The following S100A8 variants were observed in gnomAD, a reference collection of about 807,000 sequenced individuals.
The protein encoded by S100A8 is S100 calcium binding protein A8.
In S100A8, 1 loss-of-function variant was observed where a neutral mutation model predicts 4.2. The observed-to-expected ratio is 0.24, with a 90% CI of 0.08 to 1.12. The LOEUF (loss-of-function observed/expected upper bound fraction) is 1.12. Among genes scored for constraint, S100A8 ranks in the 50% most tolerant of loss-of-function variants. The pLI is 0.53. For missense variants in S100A8, 96 were observed against 111.8 expected, an observed-to-expected ratio of 0.86 and a Z score of 0.64; for synonymous variants, 41 against 44.7, an observed-to-expected ratio of 0.92 and a Z score of 0.33.
intron 2 of S100A8, 50 bp downstream of exon 2, chr1:153,390,345 C>T: frequency 6.2e-7 from 1 of 1,605,580 alleles, no homozygotes. Flanking sequence ...TGGCCCAGGG[C>T]AGCCCCAGGA....
chr1:153,411,235 C>T, the S100A8 span, among the ~76,000 whole-genome samples: 6 of 152,160 alleles, frequency 3.9e-5, no homozygotes, highest in African/African-American at 1.4e-4. Flanking sequence ...AAAATCCCAT[C>T]GCCTCAGCCC....
the S100A8 span, among the ~76,000 whole-genome samples, chr1:153,409,917 C>T: frequency 6.6e-6 from 1 of 152,144 alleles, no homozygotes; most frequent in African/African-American, 2.4e-5. Flanking sequence ...AATAAAGATG[C>T]TCTTTGAAAC....
the S100A8 span, among the ~76,000 whole-genome samples, chr1:153,402,955 A>C: frequency 1.3e-5 from 2 of 151,330 alleles, no homozygotes; most frequent in East Asian, 3.9e-4. Flanking sequence ...TCTGAGAAAA[A>C]GACACACACG....
At chr1:153,408,866 C>A in the S100A8 span, among the ~76,000 whole-genome samples, 12 of 152,156 alleles carry the variant, frequency 7.9e-5, no homozygotes, top group Admixed American at 5.9e-4. Flanking sequence ...AATTTCATAT[C>A]CAGCCAAATT....
At chr1:153,406,966 T>A in the S100A8 span, among the ~76,000 whole-genome samples, 31 of 152,372 alleles carry the variant, frequency 2.0e-4, no homozygotes, top group African/African-American at 7.0e-4. Flanking sequence ...GTTTTTTGGA[T>A]GTCTCAAATA....
At chr1:153,419,266 AG>A in the S100A8 span, 1 of 1,614,198 alleles carries the variant, frequency 6.2e-7, no homozygotes, top group Non-Finnish European at 8.5e-7. Context: ...GACTACCACA[AG>A]CAGAGCCATG....
At chr1:153,397,626 G>T in the S100A8 span, among the ~76,000 whole-genome samples, 2 of 152,156 alleles carry the variant, frequency 1.3e-5, no homozygotes, top group Non-Finnish European at 2.9e-5. Context: ...GCAGCTTTCA[G>T]CAAGATTTGG....
the S100A8 span, among the ~76,000 whole-genome samples, chr1:153,412,914 C>T: frequency 6.6e-6 from 1 of 152,164 alleles, no homozygotes; most frequent in East Asian, 1.9e-4. Flanking sequence ...TGTTCTCACT[C>T]ATAGGTGGGA....
At chr1:153,398,339 G>A in the S100A8 span, among the ~76,000 whole-genome samples, 1 of 152,218 alleles carries the variant, frequency 6.6e-6, no homozygotes, top group Non-Finnish European at 1.5e-5. Flanking sequence ...GGGATAAGAG[G>A]TGGAAGGGGA....
the S100A8 span, among the ~76,000 whole-genome samples, chr1:153,405,767 A>G: frequency 7.9e-4 from 120 of 151,596 alleles, 1 homozygote; most frequent in Middle Eastern, 3.4e-3. Flanking sequence ...TAGAGCCACC[A>G]ACTCTCTCTG....
the S100A8 span, chr1:153,419,156 C>A: frequency 6.2e-7 from 1 of 1,613,928 alleles, no homozygotes; most frequent in Non-Finnish European, 8.5e-7. Flanking sequence ...ACAAAAAGGG[C>A]ATACATTACC....
At chr1:153,399,228 A>G in the S100A8 span, among the ~76,000 whole-genome samples, 2 of 152,206 alleles carry the variant, frequency 1.3e-5, no homozygotes, top group African/African-American at 2.4e-5. Context: ...AATGCCTCCA[A>G]TTATGGCAGC....
At chr1:153,401,868 T>G in the S100A8 span, among the ~76,000 whole-genome samples, 2 of 152,164 alleles carry the variant, frequency 1.3e-5, no homozygotes, top group African/African-American at 4.8e-5. Context: ...GATGGAATAT[T>G]TAGGGATTTT....
At chr1:153,415,281 A>G in the S100A8 span, among the ~76,000 whole-genome samples, 14 of 152,100 alleles carry the variant, frequency 9.2e-5, no homozygotes, top group East Asian at 1.9e-4. Context: ...TGGTTACATA[A>G]GAACTGACAG....
chr1:153,411,876 T>C, the S100A8 span, among the ~76,000 whole-genome samples: 1 of 152,164 alleles, frequency 6.6e-6, no homozygotes. Flanking sequence ...AAACAAGAAA[T>C]GGGGAAAGGA....
At chr1:153,397,061 G>A in the S100A8 span, among the ~76,000 whole-genome samples, 1,995 of 152,368 alleles carry the variant, frequency 0.013, 18 homozygotes, top group Non-Finnish European at 0.021. Flanking sequence ...TGCCCGAGAA[G>A]CACTAGCATC....
chr1:153,396,823 G>C, the S100A8 span: 1 of 152,396 alleles, frequency 6.6e-6, no homozygotes, highest in African/African-American at 2.4e-5. Context: ...CACCTGCCAG[G>C]CTCCCCACTG....
the S100A8 span, among the ~76,000 whole-genome samples, chr1:153,410,032 G>T: frequency 1.1e-4 from 17 of 152,320 alleles, no homozygotes; most frequent in East Asian, 2.9e-3. Context: ...AAGCAGGAAA[G>T]ATCTAAAATT....
At chr1:153,402,773 C>G in the S100A8 span, among the ~76,000 whole-genome samples, 6 of 152,118 alleles carry the variant, frequency 3.9e-5, no homozygotes, top group African/African-American at 1.4e-4. Context: ...GACAAGTTAA[C>G]TGTAAAAAGT....
Sources: gnomAD v4.1 joint callset for allele counts (sites outside exome capture counted in the v4.1 genomes callset) on GRCh38, gnomAD v4.1.1 for gene constraint, MANE v1.5 for transcripts, NCBI Gene and HGNC (gene_info 2026-07-23, HGNC 2026-07-21) for gene names.